DYNC2H1: variants seen among roughly 807,000 people sequenced by gnomAD.
DYNC2H1 encodes the protein cytoplasmic dynein 2 heavy chain 1.
DYNC2H1 carries 410 observed loss-of-function variants against 570.0 expected under a neutral mutation model. The ratio of observed to expected loss-of-function variants is 0.72; its 90% confidence interval spans 0.66 to 0.78. The LOEUF is 0.78. Ranked by LOEUF, DYNC2H1 falls within the 30% of genes least tolerant of loss-of-function variation. The probability of loss-of-function intolerance (pLI) is 0.00; values close to 1 mark genes in which losing one functional copy is unlikely to be tolerated. For synonymous variants in DYNC2H1, 1,688 were observed against 1,677.6 expected (o/e 1.01, Z -0.15); for missense variants, 4,865 against 5,046.4 (o/e 0.96, Z 1.09).
intron 1 of DYNC2H1, among the ~76,000 whole-genome samples, chr11:103,113,043 T>A (rs1206302775): frequency 1.3e-5 from 2 of 152,210 alleles, no homozygotes; most frequent in African/African-American, 2.4e-5. Flanking sequence ...TTAAGTTCAT[T>A]TTGGTAGTTT....
chr11:103,402,607 AGG>A (rs1942689424), intron 84 of DYNC2H1: 2 of 152,072 alleles, frequency 1.3e-5, no homozygotes, highest in Non-Finnish European at 2.9e-5. Flanking sequence ...ATGTAGATAG[AGG>A]CTTACTAGTA....
chr11:103,158,019 G>T (rs1860911054), intron 26 of DYNC2H1, among the ~76,000 whole-genome samples: 1 of 152,106 alleles, frequency 6.6e-6, no homozygotes, highest in African/African-American at 2.4e-5. Context: ...GTTATGGGTT[G>T]CCCTGTTAGC....
Position 103,399,528 on chromosome 11 carries a change from C to T in DYNC2H1, c.12157-135C>T, listed in dbSNP as rs530465459. The T allele has an allele frequency of 1.6e-4, 101 of 647,984 alleles. No homozygotes were observed. The South Asian group carries it at 2.1e-3, about 14-fold the overall frequency. 40.1% of individuals were successfully genotyped at this position (647,984 alleles called of 1,614,324 possible). A position where few individuals can be genotyped will look rare whatever the true frequency, so the allele number is the denominator to read the frequency against. Reference sequence around the variant, plus strand: ...TATTTGCTGACTTAATACATTTGACCGTTTATAAAATAAAAGCATTTCAAA... The same window carrying T: ...TATTTGCTGACTTAATACATTTGACTGTTTATAAAATAAAAGCATTTCAAA... On this transcript the variant is annotated intron_variant, in intron 83 of 88. Transcript: ENST00000375735.
In DYNC2H1 at chr11:103,324,237, C is replaced by T. The variant is rs7926919; in HGVS notation, c.12039+247C>T. On this transcript the variant is annotated intron_variant, in intron 82 of 88. Transcript: ENST00000375735. The surrounding 1 kb of genome is among the most constrained non-coding windows in gnomAD (Gnocchi z 5.2). ...TTTGTTACATAGGTAAATTGTGTGTCGTAAGGGTTTGGTGTACAGATTATT... is the reference window on the plus strand; with the variant it reads ...TTTGTTACATAGGTAAATTGTGTGTTGTAAGGGTTTGGTGTACAGATTATT... 0.018 allele frequency among the ~76,000 whole-genome samples: 2,672 copies of T among 152,048 alleles called. 73 individuals are homozygous for T. The highest frequency in any genetic ancestry group is 0.061 in the African/African-American group (2,533 of 41,448).
chr11:103,220,864 G>A (rs1293682234), intron 57 of DYNC2H1, 81 bp downstream of exon 57: 20 of 1,379,360 alleles, frequency 1.4e-5, no homozygotes, highest in Admixed American at 2.4e-5. Context: ...TTCTTATATT[G>A]TTTTTCAAAA....
In DYNC2H1 at chr11:103,192,123, G is replaced by A; in HGVS notation, c.7567G>A (p.Val2523Met). 2 of 1,536,742 alleles carry A rather than the reference G, an allele frequency of 1.3e-6. No individual in the cohort carries two copies. The highest frequency in any genetic ancestry group is 2.5e-5 in the South Asian group (2 of 79,894). ...ATCCTCAAACCATCCACTAGATTATGTGTTAGAAATTGTAGCATATGAGGC... is the reference window on the plus strand; with the variant it reads ...ATCCTCAAACCATCCACTAGATTATATGTTAGAAATTGTAGCATATGAGGC... The part of the protein sequence containing the change: ...GGSSNHPLDY[V>M]LEIVAYEARR... The change falls in exon 47 of 89, where the codon GTG becomes ATG. Residue 2523 changes from valine to methionine, a missense_variant. Around this residue, in one of 5 missense-constraint regions of DYNC2H1, gnomAD observed 2,401 missense variants for 2,454.6 expected, o/e 0.98. Coordinates refer to ENST00000375735, the MANE Select transcript of DYNC2H1 (RefSeq NM_001377.3).
chr11:103,244,522 T>A lies in DYNC2H1; in HGVS notation c.9919-729T>A, dbSNP rs1864534453. 6.7e-6 allele frequency among the ~76,000 whole-genome samples: 1 copy of A among 149,536 alleles called. No individual in the cohort carries two copies. Among genetic ancestry groups the A allele is most frequent in the African/African-American group, 2.4e-5 (1 of 41,110 alleles). ...AATAATATATAAAATACTTTAATAA[T>A]CATTTATGGCTTGCATATATGCAAA... On this transcript the variant is annotated intron_variant, in intron 64 of 88. Coordinates refer to ENST00000375735, the MANE Select transcript of DYNC2H1 (RefSeq NM_001377.3). The surrounding 1 kb of genome is among the most constrained non-coding windows in gnomAD (Gnocchi z 4.3).
chr11:103,192,665 T>C (rs1862365294), intron 47 of DYNC2H1, among the ~76,000 whole-genome samples: 1 of 152,216 alleles, frequency 6.6e-6, no homozygotes, highest in African/African-American at 2.4e-5. Flanking sequence ...GTCATTAGCA[T>C]AGAACTTACA....
rs1281425903 is a variant in DYNC2H1, at chr11:103,205,005, A to G, written c.8454+41A>G. The stretch of plus-strand genomic sequence containing the variant: ...ATTAAAAAATTTAAAAGCACATTTT[A>G]TTTTTGAAGTTATTGATTTTCACAA... On this transcript the variant is annotated intron_variant, in intron 52 of 88. Coordinates refer to ENST00000375735, the MANE Select transcript of DYNC2H1 (RefSeq NM_001377.3). The surrounding 1 kb of genome is among the most constrained non-coding windows in gnomAD (Gnocchi z 4.5). 3.9e-6 allele frequency: 6 copies of G among 1,522,110 alleles called. No homozygotes were observed. The highest frequency in any genetic ancestry group is 4.4e-6 in the Non-Finnish European group (5 of 1,131,324). The allele number at this position is 1,522,110 out of a possible 1,614,324, so 94.3% of individuals were successfully genotyped here. A position where few individuals can be genotyped will look rare whatever the true frequency, so the allele number is the denominator to read the frequency against.
At chr11:103,343,908 AT>A (rs1448911319) in intron 82 of DYNC2H1, among the ~76,000 whole-genome samples, 7 of 152,304 alleles carry the variant, frequency 4.6e-5, no homozygotes, top group Admixed American at 1.3e-4. Context: ...ATTATTGCAT[AT>A]CTTATTTAAG....
intron 17 of DYNC2H1, 30 bp downstream of exon 17, chr11:103,135,978 A>G: frequency 6.8e-7 from 1 of 1,480,958 alleles, no homozygotes; most frequent in Non-Finnish European, 9.0e-7. Context: ...CCATCCTTCC[A>G]TCATAAAATT....
rs1591463792 is a variant in DYNC2H1, at chr11:103,243,233, A to G, written c.9820-460A>G. On this transcript the variant is annotated intron_variant, in intron 63 of 88. Transcript: ENST00000375735. The surrounding 1 kb of genome is among the most constrained non-coding windows in gnomAD (Gnocchi z 4.8). ...GCTCATACTTCTTTTTATGGCCTTT[A>G]TAGTTTTTATTCAAACAAAGAATAT... is the stretch of plus-strand genomic sequence containing the variant. 6.6e-6 allele frequency among the ~76,000 whole-genome samples: 1 copy of G among 151,444 alleles called. No homozygotes were observed. Among genetic ancestry groups the G allele is most frequent in the Non-Finnish European group, 1.5e-5 (1 of 67,938 alleles).
rs1022633436 is a variant in DYNC2H1 at position 103,358,845 on chromosome 11, A to C, written c.12156+486A>C. 2.0e-5 allele frequency among the ~76,000 whole-genome samples: 3 copies of C among 152,230 alleles called. No homozygotes were observed. The East Asian group carries it at 5.8e-4, about 29-fold the overall frequency. On this transcript the variant is annotated intron_variant, in intron 83 of 88. Coordinates refer to ENST00000375735, the MANE Select transcript of DYNC2H1 (RefSeq NM_001377.3). ...TGTAATATAGCTATTTATTCTGAGAATAATGTGTGATTGTTTTCAGTTTTT... is the reference window on the plus strand; with the variant it reads ...TGTAATATAGCTATTTATTCTGAGACTAATGTGTGATTGTTTTCAGTTTTT...
chr11:103,290,159 C>T (rs1866535113), intron 75 of DYNC2H1, among the ~76,000 whole-genome samples: 3 of 152,064 alleles, frequency 2.0e-5, no homozygotes, highest in Admixed American at 1.3e-4. Context: ...TTTTGAGGGA[C>T]AGGGGTTAGA....
At chr11:103,408,415 T>C (rs954970092) in intron 84 of DYNC2H1, 10 of 152,030 alleles carry the variant, frequency 6.6e-5, no homozygotes, top group African/African-American at 2.4e-4. Context: ...ATTTATAAAG[T>C]TTTATGCAAT....
At chr11:103,260,001 A>G (rs1865205343) in intron 70 of DYNC2H1, 24 bp downstream of exon 70, 11 of 1,323,258 alleles carry the variant, frequency 8.3e-6, no homozygotes, top group Admixed American at 2.2e-5. Flanking sequence ...TATTTTTCAA[A>G]TATAAAATAC....
intron 72 of DYNC2H1, 36 bp downstream of exon 72, chr11:103,282,265 A>C: frequency 6.3e-7 from 1 of 1,594,362 alleles, no homozygotes; most frequent in Non-Finnish European, 8.6e-7. Context: ...TTGCTCTTAA[A>C]GAAAATATTT....
At chr11:103,416,584 G>C (rs901156640) in intron 84 of DYNC2H1, among the ~76,000 whole-genome samples, 2 of 152,118 alleles carry the variant, frequency 1.3e-5, no homozygotes, top group Admixed American at 6.5e-5. Flanking sequence ...TTAATAAATG[G>C]TGCTGGGAAA....
At position 103,189,741 on chromosome 11, in the gene DYNC2H1, G is replaced by A. The variant is rs1030174279; in HGVS notation, c.7362G>A (p.Leu2454=). The A allele has an allele frequency of 6.2e-7, 1 of 1,612,690 alleles. No individual in the cohort carries two copies. Among genetic ancestry groups the A allele is most frequent in the African/African-American group, 1.3e-5 (1 of 74,860 alleles). ...TGGAACCAGTTCTACATAAAAATCT[G>A]AAGAATCATTCTATTTGGGGTTCTT... ...AYLEPVLHKN[L]KNHSIWGSSS... is the part of the protein sequence containing the mutation. The change falls in exon 45 of 89, where the codon CTG becomes CTA. Residue 2454 remains leucine, a synonymous_variant. Coordinates refer to ENST00000375735, the MANE Select transcript of DYNC2H1 (RefSeq NM_001377.3). This position sits in a 1 kb window ranked among gnomAD's most constrained non-coding sequence, Gnocchi z 4.3.
Sources: gnomAD v4.1 joint callset for allele counts (sites outside exome capture counted in the v4.1 genomes callset) on GRCh38, gnomAD v4.1.1 for gene constraint, gnomAD v4.1.1 regional missense constraint, Gnocchi (gnomAD v3.1) non-coding constraint, MANE v1.5 for transcripts, NCBI Gene and HGNC (gene_info 2026-07-23, HGNC 2026-07-21) for gene names.